Variants in NIFK observed in about 807,000 individuals in gnomAD.
The protein encoded by NIFK is nucleolar protein interacting with the FHA domain of MKI67, also known as MKI67 FHA domain-interacting nucleolar phosphoprotein.
Under a neutral mutation model 31.7 loss-of-function variants are expected in NIFK, and 16 were observed. The observed-to-expected ratio is 0.50, with a 90% confidence interval of 0.34 to 0.77. NIFK has a LOEUF of 0.77. Among genes scored for constraint, NIFK ranks in the 30% least tolerant of loss-of-function variants. The probability of loss-of-function intolerance (pLI) is 0.01; values close to 1 mark genes in which losing one functional copy is unlikely to be tolerated. For synonymous variants in NIFK, 126 were observed against 123.0 expected (o/e 1.02, Z -0.16); for missense variants, 341 against 350.4 (o/e 0.97, Z 0.21).
rs2074502605 is a variant in NIFK at position 121,727,833 on chromosome 2, T to A, written c.773A>T (p.Asp258Val). The A allele has an allele frequency of 6.2e-7, 1 of 1,613,010 alleles. No individual in the cohort carries two copies. Among genetic ancestry groups the A allele is most frequent in the Non-Finnish European group, 8.5e-7 (1 of 1,179,854 alleles). ...QVAELNDDDK[D>V]DEIVFKQPIS... The stretch of plus-strand genomic sequence containing the variant: ...GGGCTGTTTGAAAACTATTTCATCA[T>A]CTTTATCATCATCATTCAGTTCAGC... The change falls in exon 7 of 7, where the codon GAT becomes GTT. Residue 258 changes from aspartate to valine, a missense_variant. Coordinates refer to ENST00000285814, the MANE Select transcript of NIFK (RefSeq NM_032390.5).
At chr2:121,734,828 C>T (rs1226642689) in intron 2 of NIFK, among the ~76,000 whole-genome samples, 1 of 152,076 alleles carries the variant, frequency 6.6e-6, no homozygotes, top group Non-Finnish European at 1.5e-5. Flanking sequence ...AATTTAATTC[C>T]CTAATTAAAG....
At chr2:121,734,420 A>G (rs1458086592) in intron 2 of NIFK, among the ~76,000 whole-genome samples, 1 of 152,198 alleles carries the variant, frequency 6.6e-6, no homozygotes, top group African/African-American at 2.4e-5. Context: ...TTAAAATAAT[A>G]CCATATGTAC....
rs1413398077 is a variant in NIFK, at chr2:121,735,684, C to T, written c.172G>A (p.Glu58Lys). 3.1e-6 allele frequency: 5 copies of T among 1,613,006 alleles called. No individual in the cohort carries two copies. Among genetic ancestry groups the T allele is most frequent in the East Asian group, 2.2e-5 (1 of 44,902 alleles). Residue 58 changes from glutamate to lysine, a missense_variant, in exon 2 of 7, where the codon GAA becomes AAA. Glu to Lys is a moderately conservative substitution (Grantham distance 56). Coordinates refer to ENST00000285814, the MANE Select transcript of NIFK (RefSeq NM_032390.5). Reference sequence around the variant, plus strand: ...GAGAAATATGAAAAGATCTGGGTTTCGTCAAGTAGGTTAGGTAGGTGGCGC... The same window carrying T: ...GAGAAATATGAAAAGATCTGGGTTTTGTCAAGTAGGTTAGGTAGGTGGCGC... ...YVRHLPNLLD[E>K]TQIFSYFSQF...
Position 121,730,808 on chromosome 2 carries a change from T to TA in NIFK, c.564+84_564+85insT, listed in dbSNP as rs2074533000. ...TGCAGTGAGTCAAGATTGTGGTAAG[T>TA]GCTAGGCTAGGTACTTTACAAGGTA... On this transcript the variant is annotated intron_variant, in intron 4 of 6. Transcript: ENST00000285814. 3.4e-6 allele frequency: 3 copies of TA among 892,244 alleles called. No individual in the cohort carries two copies. In the African/African-American group the frequency reaches 4.9e-5, roughly 15 times the overall value. The allele number at this position is 892,244 out of a possible 1,614,324, so 55.3% of individuals were successfully genotyped here.
At chr2:121,732,038 C>T in intron 3 of NIFK, 58 bp downstream of exon 3, 2 of 959,724 alleles carry the variant, frequency 2.1e-6, no homozygotes, top group Non-Finnish European at 3.4e-6. Context: ...CTTCCCACCA[C>T]AGTCACCCAC....
Position 121,727,310 on chromosome 2 carries a change from C to T in NIFK, c.*414G>A. On this transcript the variant is annotated 3_prime_UTR_variant, in exon 7 of 7. Transcript: ENST00000285814. ...AACCATCTGATGTTGAAATCTAAAG[C>T]ACCTCCATGAGTTAAATGTCCCCGA... 1 of 418,034 alleles carries T rather than the reference C, an allele frequency of 2.4e-6. No individual in the cohort carries two copies. Among genetic ancestry groups the T allele is most frequent in the Admixed American group, 3.1e-5 (1 of 31,888 alleles). 25.9% of individuals were successfully genotyped at this position (418,034 alleles called of 1,614,324 possible).
intron 2 of NIFK, among the ~76,000 whole-genome samples, chr2:121,734,785 C>T (rs978649623): frequency 1.3e-5 from 2 of 151,978 alleles, no homozygotes; most frequent in African/African-American, 4.8e-5. Context: ...CAGTGCAAGC[C>T]TCAGTCTCAA....
At chr2:121,730,070 C>T (rs147294233) in intron 4 of NIFK, among the ~76,000 whole-genome samples, 5,108 of 151,708 alleles carry the variant, frequency 0.034, 308 homozygotes, top group African/African-American at 0.12. Context: ...AAAAATTAGC[C>T]GGGTATGGTG....
Position 121,735,679 on chromosome 2 carries a change from G to C in NIFK, c.177C>G (p.Thr59=), listed in dbSNP as rs2106444080. ...ACTGGGAGAAATATGAAAAGATCTG[G>C]GTTTCGTCAAGTAGGTTAGGTAGGT... The part of the protein sequence containing the change: ...VRHLPNLLDE[T]QIFSYFSQFG... Residue 59 remains threonine, a synonymous_variant, in exon 2 of 7, where the codon ACC becomes ACG. Transcript: ENST00000285814. 6.2e-7 allele frequency: 1 copy of C among 1,612,952 alleles called. No homozygotes were observed. Among genetic ancestry groups the C allele is most frequent in the Non-Finnish European group, 8.5e-7 (1 of 1,179,904 alleles).
intron 2 of NIFK, among the ~76,000 whole-genome samples, chr2:121,734,333 G>A (rs1311061223): frequency 6.6e-6 from 1 of 151,870 alleles, no homozygotes; most frequent in African/African-American, 2.4e-5. Context: ...TGATAACAAA[G>A]GCAATAGAGT....
intron 4 of NIFK, among the ~76,000 whole-genome samples, chr2:121,729,417 A>G (rs1308210868): frequency 1.3e-5 from 2 of 151,838 alleles, no homozygotes; most frequent in African/African-American, 4.8e-5. Flanking sequence ...TATACTAGCC[A>G]TACCATAATA....
rs2074507910 is a variant in NIFK, at chr2:121,728,273, T to C, written c.693+15A>G. The C allele has an allele frequency of 7.7e-6, 12 of 1,549,426 alleles. No homozygotes were observed. Among genetic ancestry groups the C allele is most frequent in the Non-Finnish European group, 1.1e-5 (12 of 1,133,102 alleles). On this transcript the variant is annotated intron_variant, in intron 6 of 6. Transcript: ENST00000285814. Reference sequence around the variant, plus strand: ...CTATAATATCTGGTGTCTGGAGTATTGAAAACCATTTTACCTGGCTATCCA... The same window carrying C: ...CTATAATATCTGGTGTCTGGAGTATCGAAAACCATTTTACCTGGCTATCCA...
At chr2:121,736,439 G>A (rs960598981) in intron 1 of NIFK, among the ~76,000 whole-genome samples, 1 of 152,198 alleles carries the variant, frequency 6.6e-6, no homozygotes. Context: ...CCTCCAGCTG[G>A]TTCTTTCTAC....
chr2:121,730,754 A>C (rs1014906713), intron 4 of NIFK, 139 bp downstream of exon 4: 46 of 647,506 alleles, frequency 7.1e-5, no homozygotes, highest in Admixed American at 6.2e-4. Flanking sequence ...TAGAGGCAGG[A>C]GAATTGCTTG....
In NIFK at chr2:121,735,733, T is replaced by C. The variant is rs190300336; in HGVS notation, c.123A>G (p.Gln41=). The C allele has an allele frequency of 2.4e-5, 39 of 1,612,554 alleles. No homozygotes were observed. Among genetic ancestry groups the C allele is most frequent in the Non-Finnish European group, 3.3e-5 (39 of 1,179,740 alleles). Residue 41 remains glutamine (Q), a synonymous_variant, in exon 2 of 7, where the codon CAA becomes CAG. Transcript: ENST00000285814. ...GCACATAGACTACTCCAGGAGTAAG[T>C]TGTTCTTGTTTTTTTCGCTAAAGAC... is the stretch of plus-strand genomic sequence containing the variant. ...KRITQRKKQE[Q]LTPGVVYVRH...
intron 2 of NIFK, among the ~76,000 whole-genome samples, chr2:121,733,699 A>C (rs973100798): frequency 6.6e-6 from 1 of 151,208 alleles, no homozygotes; most frequent in Non-Finnish European, 1.5e-5. Context: ...CAAAACCAAA[A>C]CAAAACAAAA....
At position 121,727,023 on chromosome 2, in the gene NIFK, C is replaced by T. The variant is rs1181190397; in HGVS notation, c.*701G>A. On this transcript the variant is annotated 3_prime_UTR_variant, in exon 7 of 7. Coordinates refer to ENST00000285814, the MANE Select transcript of NIFK (RefSeq NM_032390.5). Reference sequence around the variant, plus strand: ...ATTATTTTTTTTTCCCAATGACTCCCAAGTCCTACTCGCAAACAAATACAT... The same window carrying T: ...ATTATTTTTTTTTCCCAATGACTCCTAAGTCCTACTCGCAAACAAATACAT... 1 of 161,338 alleles carries T rather than the reference C, an allele frequency of 6.2e-6. No individual in the cohort carries two copies. The highest frequency in any genetic ancestry group is 2.4e-5 in the African/African-American group (1 of 41,484). 10.0% of individuals were successfully genotyped at this position (161,338 alleles called of 1,614,324 possible). A position where few individuals can be genotyped will look rare whatever the true frequency, so the allele number is the denominator to read the frequency against.
intron 2 of NIFK, 98 bp downstream of exon 2, chr2:121,735,515 T>C (rs1453410044): frequency 1.6e-6 from 2 of 1,287,862 alleles, no homozygotes; most frequent in Non-Finnish European, 2.2e-6. Flanking sequence ...TGGAATGAAA[T>C]CTGATAAGCA....
intron 4 of NIFK, 189 bp from the exon 5 acceptor site, chr2:121,728,725 T>C (rs190439496): frequency 6.2e-5 from 31 of 499,428 alleles, no homozygotes; most frequent in East Asian, 5.7e-4. Context: ...AGTAGAGGAA[T>C]TGACAGAGCT....
Sources: allele counts gnomAD v4.1 joint callset (sites outside exome capture counted in the v4.1 genomes callset), GRCh38; gene constraint gnomAD v4.1.1; transcripts MANE v1.5; gene names NCBI Gene and HGNC (gene_info 2026-07-23, HGNC 2026-07-21).